Variants in LVRN observed in about 807,000 individuals in gnomAD.
LVRN encodes the protein laeverin, also known as aminopeptidase Q.
In LVRN, 99 loss-of-function variants were observed where a neutral mutation model predicts 111.4. The observed-to-expected ratio is 0.89, with a 90% CI of 0.76 to 1.05. The LOEUF (loss-of-function observed/expected upper bound fraction) is 1.05. Among genes scored for constraint, LVRN ranks in the 50% least tolerant of loss-of-function variants. The pLI, the probability that LVRN is intolerant of heterozygous loss-of-function variation, is 0.00. For missense variants in LVRN, 1,414 were observed against 1,206.8 expected (o/e 1.17, Z -2.54); for synonymous variants, 488 against 449.5 (o/e 1.09, Z -1.08).
intron 2 of LVRN, 57 bp downstream of exon 2, chr5:115,983,486 C>T (rs1372224821): frequency 1.3e-6 from 2 of 1,502,910 alleles, no homozygotes; most frequent in Non-Finnish European, 1.8e-6. Flanking sequence ...TTTGTAATCA[C>T]ATTTATACCA....
Position 115,963,049 on chromosome 5 carries a change from G to A in LVRN, c.432G>A (p.Leu144=), listed in dbSNP as rs1234637275. 1.2e-6 allele frequency: 2 copies of A among 1,613,536 alleles called. No individual in the cohort carries two copies. The highest frequency in any genetic ancestry group is 1.7e-5 in the Admixed American group (1 of 59,998). Residue 144 remains leucine, a synonymous_variant, in exon 1 of 20, where the codon CTG becomes CTA. Transcript: ENST00000357872. ...TVRCTVATSR[L]LLHSLFQDCE... ...GCTGCACGGTGGCCACCTCTCGACT[G>A]CTGCTGCATAGCCTCTTCCAGGACT...
intron 18 of LVRN, chr5:116,021,497 G>A (rs1260938242): frequency 8.8e-6 from 2 of 226,232 alleles, no homozygotes; most frequent in East Asian, 1.3e-4. Context: ...GGTAGACCCA[G>A]TGTAAGTTAC....
chr5:115,988,075 C>G, intron 4 of LVRN, 136 bp downstream of exon 4: 1 of 1,201,396 alleles, frequency 8.3e-7, no homozygotes, highest in East Asian at 2.4e-5. Flanking sequence ...AGCCTCCTGA[C>G]CTATGCCTTA....
chr5:116,007,181 T>C lies in LVRN; in HGVS notation c.2093+1214T>C, dbSNP rs577778427. On this transcript the variant is annotated intron_variant, in intron 13 of 19. Transcript: ENST00000357872. The stretch of plus-strand genomic sequence containing the variant: ...AATTTCATTCTGTCTTCTTTAACAC[T>C]ATTGCAATAAAATTGTTAGACATCA... Among the ~76,000 whole-genome samples the C allele has an allele frequency of 2.6e-5, 4 of 152,318 alleles. No individual in the cohort carries two copies. In the East Asian group the frequency reaches 7.7e-4, roughly 29 times the overall value.
chr5:115,994,470 G>A (rs907512790), intron 6 of LVRN, among the ~76,000 whole-genome samples: 1 of 151,932 alleles, frequency 6.6e-6, no homozygotes, highest in Non-Finnish European at 1.5e-5. Flanking sequence ...ACGGGGTTTC[G>A]CCATGTTGCC....
intron 1 of LVRN, among the ~76,000 whole-genome samples, chr5:115,981,267 A>G (rs1197006458): frequency 6.6e-6 from 1 of 152,190 alleles, no homozygotes; most frequent in East Asian, 1.9e-4. Context: ...TTCTTGGCTA[A>G]ACAAATACTT....
chr5:115,983,644 A>C (rs753993518), intron 2 of LVRN, among the ~76,000 whole-genome samples: 6 of 152,174 alleles, frequency 3.9e-5, no homozygotes, highest in Non-Finnish European at 5.9e-5. Flanking sequence ...AGGATATTAC[A>C]CTGTTCTTAT....
intron 13 of LVRN, among the ~76,000 whole-genome samples, chr5:116,007,823 A>T (rs1415240525): frequency 2.6e-5 from 4 of 152,204 alleles, no homozygotes; most frequent in African/African-American, 9.7e-5. Flanking sequence ...CATTTTGGTA[A>T]TTCTTACAAA....
chr5:115,999,480 C>T (rs749561738), intron 6 of LVRN, among the ~76,000 whole-genome samples: 4 of 152,074 alleles, frequency 2.6e-5, no homozygotes, highest in Non-Finnish European at 2.9e-5. Context: ...CCATGGACCT[C>T]CTTGTGGGAA....
In LVRN at chr5:115,983,297, G is replaced by A. The variant is rs1747757205; in HGVS notation, c.706G>A (p.Ala236Thr). Residue 236 changes from alanine to threonine, a missense_variant, in exon 2 of 20, where the codon GCG (alanine) becomes ACG (threonine). Physicochemically the swap from Ala to Thr is moderately conservative, Grantham distance 58. Coordinates refer to ENST00000357872, the MANE Select transcript of LVRN (RefSeq NM_173800.5). Reference sequence around the variant, plus strand: ...CAAAATGTATTTCAGGGCCCTGTTAGCGTCCCAGCTGGAACCAACATTTGC... The same window carrying A: ...CAAAATGTATTTCAGGGCCCTGTTAACGTCCCAGCTGGAACCAACATTTGC... Reference protein sequence around the residue: ...TDQGERRALLASQLEPTFARY... With the variant: ...TDQGERRALLTSQLEPTFARY... 6.3e-7 allele frequency: 1 copy of A among 1,587,484 alleles called. No individual in the cohort carries two copies. Among genetic ancestry groups the A allele is most frequent in the Non-Finnish European group, 8.5e-7 (1 of 1,172,010 alleles).
chr5:116,012,078 T>G (rs1026246170), intron 14 of LVRN, among the ~76,000 whole-genome samples: 6 of 152,180 alleles, frequency 3.9e-5, no homozygotes, highest in Non-Finnish European at 8.8e-5. Context: ...TAGCCAATAT[T>G]TTTTGAGTTC....
chr5:115,981,576 A>G (rs903970117), intron 1 of LVRN, among the ~76,000 whole-genome samples: 2 of 152,164 alleles, frequency 1.3e-5, no homozygotes, highest in Non-Finnish European at 2.9e-5. Context: ...TTTATCCTTT[A>G]TGTGACAAAC....
rs117732519 is a variant in LVRN, at chr5:115,969,033, T to C, written c.695+5721T>C. Among the ~76,000 whole-genome samples the C allele has an allele frequency of 6.6e-4, 100 of 152,306 alleles. No homozygotes were observed. The East Asian group carries it at 0.013, about 20-fold the overall frequency. On this transcript the variant is annotated intron_variant, in intron 1 of 19. Transcript: ENST00000357872. Reference sequence around the variant, plus strand: ...CTGAGCCTTGACTGTTATGAAGGAATGGTTTACAAGTCATACCATCTGATG... The same window carrying C: ...CTGAGCCTTGACTGTTATGAAGGAACGGTTTACAAGTCATACCATCTGATG...
intron 19 of LVRN, among the ~76,000 whole-genome samples, chr5:116,022,901 A>G (rs565439347): frequency 2.0e-5 from 3 of 152,298 alleles, no homozygotes; most frequent in African/African-American, 7.2e-5. Context: ...CTCACCACTA[A>G]GTGTCAGAGA....
rs775152167 is a variant in LVRN at position 115,962,608 on chromosome 5, G to C, written c.-10G>C. 26 of 1,587,962 alleles carry C rather than the reference G, an allele frequency of 1.6e-5. No homozygotes were observed. The highest frequency in any genetic ancestry group is 4.0e-5 in the African/African-American group (3 of 74,622). ...GAGCTCCAGCCTCGCGCCTGAACCC[G>C]GTCCCTGCCATGGGGCCCCCTTCCA... is the stretch of plus-strand genomic sequence containing the variant. On this transcript the variant is annotated 5_prime_UTR_variant, in exon 1 of 20. Transcript: ENST00000357872.
rs537473598 is a variant in LVRN, at chr5:116,020,470, C to T, written c.2757-1921C>T. On this transcript the variant is annotated intron_variant, in intron 18 of 19. Transcript: ENST00000357872. The stretch of plus-strand genomic sequence containing the variant: ...TACAGAGCATGATCAGTTTTAAACT[C>T]AACCTGTCCAAAATGAATCTTACCC... 1.1e-4 allele frequency among the ~76,000 whole-genome samples: 17 copies of T among 152,314 alleles called. 1 individual carries two copies. The South Asian group carries it at 3.5e-3, about 32-fold the overall frequency.
In LVRN at chr5:116,002,857, C is replaced by A; in HGVS notation, c.1843C>A (p.Leu615Ile). ...TSNDTWIVPI[L>I]WIKNGTTQPL... ...AAGTGACACATGGATTGTCCCTATT[C>A]TTTGGATAAAAAATGGAACTACACA... Residue 615 changes from leucine (L) to isoleucine (I), a missense_variant, in exon 11 of 20, where the codon CTT (leucine) becomes ATT (isoleucine). Physicochemically the swap from Leu to Ile is conservative, Grantham distance 5. Coordinates refer to ENST00000357872, the MANE Select transcript of LVRN (RefSeq NM_173800.5). 3 of 1,609,862 alleles carry A rather than the reference C, an allele frequency of 1.9e-6. No individual in the cohort carries two copies. The highest frequency in any genetic ancestry group is 2.5e-6 in the Non-Finnish European group (3 of 1,177,142).
At chr5:115,980,928 A>G (rs1308343111) in intron 1 of LVRN, among the ~76,000 whole-genome samples, 2 of 152,052 alleles carry the variant, frequency 1.3e-5, no homozygotes, top group African/African-American at 4.8e-5. Flanking sequence ...GGATATCTTA[A>G]TCTCTCTTAG....
At chr5:116,019,689 AATC>A (rs1237189760) in intron 18 of LVRN, among the ~76,000 whole-genome samples, 1 of 152,230 alleles carries the variant, frequency 6.6e-6, no homozygotes, top group Non-Finnish European at 1.5e-5. Context: ...TGGGAGCCAG[AATC>A]ATCATCATGA....
Sources: gnomAD v4.1 joint callset for allele counts (sites outside exome capture counted in the v4.1 genomes callset) on GRCh38, gnomAD v4.1.1 for gene constraint, MANE v1.5 for transcripts, NCBI Gene and HGNC (gene_info 2026-07-23, HGNC 2026-07-21) for gene names.